RRBP1: variants seen among roughly 807,000 people sequenced by gnomAD.
RRBP1 encodes ribosome binding protein 1.
Under a neutral mutation model 165.2 loss-of-function variants are expected in RRBP1, and 94 were observed. The ratio of observed to expected loss-of-function variants is 0.57; its 90% confidence interval spans 0.48 to 0.68. RRBP1 has a LOEUF of 0.68. Among genes scored for constraint, RRBP1 ranks in the 30% least tolerant of loss-of-function variants. The probability of loss-of-function intolerance (pLI) is 0.00; values close to 1 mark genes in which losing one functional copy is unlikely to be tolerated. For synonymous variants in RRBP1, 680 were observed against 714.5 expected (o/e 0.95, Z 0.77); for missense variants, 1,676 against 1,763.0 (o/e 0.95, Z 0.88).
intron 3 of RRBP1, among the ~76,000 whole-genome samples, chr20:17,654,866 TC>T (rs2036621089): frequency 6.6e-6 from 1 of 152,318 alleles, no homozygotes; most frequent in South Asian, 2.1e-4. Context: ...GAGCAGGAGT[TC>T]CAGCAGCCCC....
intron 1 of RRBP1, among the ~76,000 whole-genome samples, chr20:17,680,860 G>A (rs1001579514): frequency 1.2e-4 from 19 of 152,100 alleles, no homozygotes; most frequent in African/African-American, 4.6e-4. Context: ...CAAGTGCTGG[G>A]TCTCCACAGC....
intron 21 of RRBP1, 149 bp from the exon 22 acceptor site, chr20:17,616,158 C>A (rs1484205935): frequency 1.5e-5 from 10 of 659,590 alleles, no homozygotes; most frequent in South Asian, 4.0e-5. Flanking sequence ...GGCACCTCAG[C>A]CCCTGGTACA....
intron 9 of RRBP1, 107 bp downstream of exon 9, chr20:17,629,715 AC>A: frequency 8.4e-7 from 1 of 1,193,468 alleles, no homozygotes; most frequent in East Asian, 2.4e-5. Context: ...TGCTGCCCTC[AC>A]CCAACAGGCC....
chr20:17,652,839 G>A (rs960509027), intron 3 of RRBP1, among the ~76,000 whole-genome samples: 2 of 152,204 alleles, frequency 1.3e-5, no homozygotes, highest in Non-Finnish European at 2.9e-5. Context: ...GGTCACAGCC[G>A]CCAATGTTAA....
intron 13 of RRBP1, among the ~76,000 whole-genome samples, chr20:17,622,314 C>T (rs865984146): frequency 2.9e-4 from 44 of 152,232 alleles, no homozygotes; most frequent in African/African-American, 9.1e-4. Context: ...GGGGGGTCCG[C>T]AGTTGATGTG....
At chr20:17,663,072 G>A (rs2036796797) in intron 2 of RRBP1, among the ~76,000 whole-genome samples, 3 of 152,066 alleles carry the variant, frequency 2.0e-5, no homozygotes, top group Non-Finnish European at 2.9e-5. Flanking sequence ...CGAACATTAG[G>A]GGCCTGGGTC....
intron 8 of RRBP1, among the ~76,000 whole-genome samples, chr20:17,630,163 C>T (rs949451507): frequency 2.6e-5 from 4 of 152,238 alleles, no homozygotes; most frequent in Non-Finnish European, 4.4e-5. Context: ...GGGGAGAAGG[C>T]AGCTGCCAGG....
intron 1 of RRBP1, among the ~76,000 whole-genome samples, chr20:17,681,495 C>T (rs1414074958): frequency 2.0e-5 from 3 of 148,830 alleles, no homozygotes; most frequent in Non-Finnish European, 4.5e-5. Context: ...GCCCGTGGGC[C>T]CCCATTCAAT....
chr20:17,665,221 A>G (rs1435937302), intron 2 of RRBP1, among the ~76,000 whole-genome samples: 1 of 151,998 alleles, frequency 6.6e-6, no homozygotes, highest in Non-Finnish European at 1.5e-5. Flanking sequence ...TTTTGCTTCT[A>G]TTACATGTAT....
intron 5 of RRBP1, among the ~76,000 whole-genome samples, chr20:17,639,719 C>A (rs6075229): frequency 0.62 from 93,979 of 151,838 alleles, 32,730 homozygotes; most frequent in East Asian, 0.86. Context: ...CATGGAGAAA[C>A]CCCGTCTCTA....
intron 3 of RRBP1, among the ~76,000 whole-genome samples, chr20:17,654,961 G>T (rs1259777025): frequency 6.6e-6 from 1 of 152,198 alleles, no homozygotes; most frequent in African/African-American, 2.4e-5. Flanking sequence ...CAATGGCAAA[G>T]AGAGTATTTA....
intron 3 of RRBP1, among the ~76,000 whole-genome samples, chr20:17,648,244 C>G (rs761507586): frequency 1.3e-5 from 2 of 152,226 alleles, no homozygotes; most frequent in African/African-American, 4.8e-5. Flanking sequence ...GGACTGTGGC[C>G]GTGAAGGCTC....
rs2035762440 is a variant in RRBP1 at position 17,614,791 on chromosome 20, C to G, written c.4140G>C (p.Gln1380His). 1.2e-6 allele frequency: 2 copies of G among 1,613,722 alleles called. No individual in the cohort carries two copies. The highest frequency in any genetic ancestry group is 1.7e-6 in the Non-Finnish European group (2 of 1,180,044). ...TCACCGTGTCCTTCTCCCTTGCCAG[C>G]TGCTCCTGGGTCGTCTTCAGAAGCT... ...LQELLKTTQE[Q>H]LAREKDTVKK... The change falls in exon 24 of 25, where the codon CAG becomes CAC. Residue 1380 changes from glutamine to histidine, a missense_variant. This residue lies in a region of RRBP1 where 1,184 missense variants were observed against 1,167.1 expected (regional missense o/e 1.01). Coordinates refer to ENST00000377813, the MANE Select transcript of RRBP1 (RefSeq NM_001365613.2).
chr20:17,635,883 C>T (rs1568766015), intron 6 of RRBP1, among the ~76,000 whole-genome samples: 11 of 152,250 alleles, frequency 7.2e-5, no homozygotes, highest in Admixed American at 5.9e-4. Flanking sequence ...ACACCTCTCT[C>T]CCTCCTCACT....
intron 3 of RRBP1, among the ~76,000 whole-genome samples, chr20:17,652,891 T>C (rs567068250): frequency 6.6e-6 from 1 of 152,196 alleles, no homozygotes; most frequent in African/African-American, 2.4e-5. Context: ...ACTCCACATA[T>C]AAGACGTAGC....
intron 5 of RRBP1, among the ~76,000 whole-genome samples, chr20:17,637,040 C>T (rs1036254744): frequency 1.1e-4 from 16 of 152,190 alleles, no homozygotes; most frequent in Admixed American, 2.0e-4. Flanking sequence ...AGGGCACTGG[C>T]TCGGCCCTGC....
chr20:17,656,708 T>C (rs1349948421), intron 3 of RRBP1, among the ~76,000 whole-genome samples: 1 of 152,216 alleles, frequency 6.6e-6, no homozygotes, highest in African/African-American at 2.4e-5. Flanking sequence ...TTCTTACCTA[T>C]TTTTCCCTCA....
In RRBP1 at chr20:17,625,543, T is replaced by A. The variant is rs749924640; in HGVS notation, c.3023A>T (p.Glu1008Val). The A allele has an allele frequency of 5.0e-6, 8 of 1,613,718 alleles. No homozygotes were observed. The highest frequency in any genetic ancestry group is 5.9e-6 in the Non-Finnish European group (7 of 1,179,912). ...CTTCACTTTCTGCTGCTCGACGGCC[T>A]CCCTGAGCTCGATGGCCTCCTTCTC... ...GLEKEAIELR[E>V]AVEQQKVKNN... The change falls in exon 12 of 25, where the codon GAG (glutamate) becomes GTG (valine). Residue 1008 changes from glutamate to valine, a missense_variant. Transcript: ENST00000377813.
At chr20:17,642,634 C>T (rs554110261) in intron 4 of RRBP1, among the ~76,000 whole-genome samples, 46 of 152,258 alleles carry the variant, frequency 3.0e-4, no homozygotes, top group Admixed American at 5.9e-4. Flanking sequence ...AAACCAGGGG[C>T]GCTCCTGGGC....
Sources: gnomAD v4.1 joint callset for allele counts (sites outside exome capture counted in the v4.1 genomes callset) on GRCh38, gnomAD v4.1.1 for gene constraint, gnomAD v4.1.1 regional missense constraint, MANE v1.5 for transcripts, NCBI Gene and HGNC (gene_info 2026-07-23, HGNC 2026-07-21) for gene names.